The following IL4I1 variants were observed in gnomAD, a reference collection of about 807,000 sequenced individuals.
The protein encoded by IL4I1 is L-amino-acid oxidase.
In IL4I1, 24 loss-of-function variants were observed where a neutral mutation model predicts 29.7. That is an observed-to-expected ratio of 0.81 (90% confidence interval 0.59 to 1.14). The LOEUF (loss-of-function observed/expected upper bound fraction) is 1.14. Among genes scored for constraint, IL4I1 ranks in the 50% most tolerant of loss-of-function variants. The pLI, the probability that IL4I1 is intolerant of heterozygous loss-of-function variation, is 0.00. For synonymous variants in IL4I1, 371 were observed against 352.5 expected (o/e 1.05, Z -0.59); for missense variants, 686 against 785.6 (o/e 0.87, Z 1.52).
At chr19:49,916,355 T>C (rs1485322619) in intron 2 of IL4I1, among the ~76,000 whole-genome samples, 2 of 124,360 alleles carry the variant, frequency 1.6e-5, no homozygotes, top group African/African-American at 7.4e-5. Flanking sequence ...ATCTTTTGTA[T>C]TTTTTTTTTT....
intron 2 of IL4I1, among the ~76,000 whole-genome samples, chr19:49,919,335 G>A (rs2075708089): frequency 6.6e-6 from 1 of 152,194 alleles, no homozygotes; most frequent in Non-Finnish European, 1.5e-5. Flanking sequence ...TTAAACAAAA[G>A]CGTGGTTGGC....
chr19:49,905,049 T>C (rs1361206009), intron 2 of IL4I1, among the ~76,000 whole-genome samples: 3 of 152,140 alleles, frequency 2.0e-5, no homozygotes, highest in Non-Finnish European at 4.4e-5. Context: ...GGTTTCACCA[T>C]GTTGGCCAGG....
intron 2 of IL4I1, among the ~76,000 whole-genome samples, chr19:49,910,762 TGG>T (rs2075444035): frequency 6.6e-6 from 1 of 152,060 alleles, no homozygotes; most frequent in African/African-American, 2.4e-5. Flanking sequence ...AGAAGACCCA[TGG>T]GCCACAGTAT....
chr19:49,913,519 C>T (rs2075536299), intron 2 of IL4I1, among the ~76,000 whole-genome samples: 1 of 152,200 alleles, frequency 6.6e-6, no homozygotes, highest in African/African-American at 2.4e-5. Context: ...GCCATGTCCT[C>T]CCCACAACCC....
upstream of IL4I1, among the ~76,000 whole-genome samples, chr19:49,898,698 T>G (rs1268957235): frequency 6.6e-6 from 1 of 152,108 alleles, no homozygotes; most frequent in African/African-American, 2.4e-5. Flanking sequence ...TGAAACCCTG[T>G]CTCTACCAAA....
intron 2 of IL4I1, chr19:49,917,617 G>C (rs2075657548): frequency 1.3e-5 from 2 of 152,516 alleles, no homozygotes; most frequent in South Asian, 4.1e-4. Context: ...CCGAGACTCT[G>C]TGTGGGAGGA....
At chr19:49,925,851 C>T (rs566486259) in intron 2 of IL4I1, among the ~76,000 whole-genome samples, 2 of 152,182 alleles carry the variant, frequency 1.3e-5, no homozygotes, top group South Asian at 2.1e-4. Context: ...AGAAATTCTC[C>T]GTATTATCTT....
chr19:49,905,409 G>A (rs920733390), intron 2 of IL4I1, among the ~76,000 whole-genome samples: 16 of 152,112 alleles, frequency 1.1e-4, no homozygotes, highest in East Asian at 3.9e-4. Context: ...CCTCCCTTCC[G>A]GCAGAGGGGA....
chr19:49,893,179 C>T (rs1012206068), intron 5 of IL4I1, among the ~76,000 whole-genome samples: 10 of 151,892 alleles, frequency 6.6e-5, no homozygotes, highest in Non-Finnish European at 8.8e-5. Context: ...CTGGAGGCAG[C>T]GGGGAGCCAC....
upstream of IL4I1, among the ~76,000 whole-genome samples, chr19:49,897,411 G>A (rs188258108): frequency 1.1e-3 from 163 of 152,156 alleles, no homozygotes; most frequent in East Asian, 0.021. Context: ...CCGTGGTCCC[G>A]GGGTCAGGAC....
At position 49,890,167 on chromosome 19, in the gene IL4I1, C is replaced by T. The variant is rs2075112330; in HGVS notation, c.1207G>A (p.Ala403Thr). 6.5e-7 allele frequency: 1 copy of T among 1,542,156 alleles called. No individual in the cohort carries two copies. The highest frequency in any genetic ancestry group is 8.7e-7 in the Non-Finnish European group (1 of 1,142,966). ...LLLASYTWSD[A>T]AAAFAGLSRE... ...CTCAAGCCGGCGAACGCTGCCGCCGCGTCCGACCACGTGTACGAGGCCAGC... is the reference window on the plus strand; with the variant it reads ...CTCAAGCCGGCGAACGCTGCCGCCGTGTCCGACCACGTGTACGAGGCCAGC... The change falls in exon 8 of 8, where the codon GCG (alanine) becomes ACG (threonine). Residue 403 changes from alanine to threonine, a missense_variant. Coordinates refer to ENST00000391826, the MANE Select transcript of IL4I1 (RefSeq NM_152899.2).
intron 2 of IL4I1, among the ~76,000 whole-genome samples, chr19:49,914,822 C>T (rs2075583271): frequency 7.1e-6 from 1 of 141,718 alleles, no homozygotes; most frequent in East Asian, 2.3e-4. Flanking sequence ...TCACTACAAC[C>T]TCCGCCTCCC....
chr19:49,917,274 C>CCGTGGGAA (rs2075649742), intron 2 of IL4I1, among the ~76,000 whole-genome samples: 1 of 152,246 alleles, frequency 6.6e-6, no homozygotes, highest in Non-Finnish European at 1.5e-5. Flanking sequence ...ACTTGCCCTC[C>CCGTGGGAA]CGTGGGAACC....
intron 3 of IL4I1, 64 bp downstream of exon 3, chr19:49,895,751 G>A: frequency 7.1e-7 from 1 of 1,400,980 alleles, no homozygotes. Flanking sequence ...CCGTGTCCCT[G>A]TGCCCAGGGA....
rs543563889 is a variant in IL4I1, at chr19:49,927,021, G to A, written c.-228+673C>T. On this transcript the variant is annotated intron_variant, in intron 2 of 9. Coordinates refer to the IL4I1 transcript ENST00000341114. ...ACCACAGGTGCAAACCACCACACCC[G>A]ACTATTTTTTTGTATTTTTGGTAGA... Among the ~76,000 whole-genome samples, 12 of 151,938 alleles carry A rather than the reference G, an allele frequency of 7.9e-5. 1 individual carries two copies. Among genetic ancestry groups the A allele is most frequent in the East Asian group, 5.8e-4 (3 of 5,166 alleles).
intron 2 of IL4I1, among the ~76,000 whole-genome samples, chr19:49,911,632 G>C (rs1051748068): frequency 3.9e-5 from 6 of 152,110 alleles, no homozygotes; most frequent in Admixed American, 1.3e-4. Flanking sequence ...ACACAGCCAA[G>C]CAAGCCTGGG....
In IL4I1 at chr19:49,909,248, G is replaced by A. The variant is rs140655913; in HGVS notation, c.-227-4927C>T. ...TGGCGTGGCCGGAGTGAAGGGCAAC[G>A]TGGCAGGTGCCGTGGGCTGGGCTGA... On this transcript the variant is annotated intron_variant, in intron 2 of 9. Coordinates refer to the IL4I1 transcript ENST00000341114. 8.8e-4 allele frequency: 1,424 copies of A among 1,614,102 alleles called. 7 individuals carry two copies. In the African/African-American group the frequency reaches 0.016, roughly 18 times the overall value.
intron 2 of IL4I1, among the ~76,000 whole-genome samples, chr19:49,927,471 C>A (rs1437277495): frequency 6.6e-6 from 1 of 152,116 alleles, no homozygotes; most frequent in Admixed American, 6.5e-5. Context: ...TGTTCTAGGC[C>A]GCATGCAGGC....
At chr19:49,908,138 C>G (rs11547267) in intron 2 of IL4I1, 281,892 of 1,525,390 alleles carry the variant, frequency 0.18, 28,438 homozygotes, top group Middle Eastern at 0.22. Context: ...AAGAAAGAAA[C>G]AAACAAACAA....
Sources: gnomAD v4.1 joint callset for allele counts (sites outside exome capture counted in the v4.1 genomes callset) on GRCh38, gnomAD v4.1.1 for gene constraint, MANE v1.5 for transcripts, NCBI Gene and HGNC (gene_info 2026-07-23, HGNC 2026-07-21) for gene names.